The following MEF2C variants were observed in gnomAD, a reference collection of about 807,000 sequenced individuals.
The protein encoded by MEF2C is myocyte-specific enhancer factor 2C.
A neutral mutation model predicts 50.5 loss-of-function variants in MEF2C; 6 were observed. That is an observed-to-expected ratio of 0.12 (90% CI 0.07 to 0.23). MEF2C has a LOEUF of 0.23. Among genes scored for constraint, MEF2C ranks in the 10% least tolerant of loss-of-function variants. MEF2C has a pLI of 1.00. For missense variants in MEF2C, 276 were observed against 605.0 expected (o/e 0.46, Z 5.70); for synonymous variants, 183 against 228.0 (o/e 0.80, Z 1.78).
At chr5:88,743,076 A>C in intron 6 of MEF2C, 1 of 973,916 alleles carries the variant, frequency 1.0e-6, no homozygotes, top group Non-Finnish European at 1.2e-6. Context: ...TAATGGAACA[A>C]TACTTTCAAA....
intron 1 of MEF2C, among the ~76,000 whole-genome samples, chr5:88,893,893 A>C (rs1834850111): frequency 1.3e-5 from 2 of 152,340 alleles, no homozygotes; most frequent in Middle Eastern, 3.4e-3. Flanking sequence ...GATTGAGTCA[A>C]AGACTCAAAC....
At chr5:88,724,735 A>G (rs1467095240) in intron 10 of MEF2C, among the ~76,000 whole-genome samples, 2 of 152,104 alleles carry the variant, frequency 1.3e-5, no homozygotes, top group Non-Finnish European at 2.9e-5. Flanking sequence ...TCATAATGGT[A>G]GACTATTTTA....
At chr5:88,833,970 A>C (rs1814037014) in intron 1 of MEF2C, among the ~76,000 whole-genome samples, 1 of 152,124 alleles carries the variant, frequency 6.6e-6, no homozygotes, top group South Asian at 2.1e-4. Flanking sequence ...TTGTGAGCTA[A>C]ATGGCCTTCA....
At chr5:88,892,876 T>G (rs1834741748) in intron 1 of MEF2C, among the ~76,000 whole-genome samples, 1 of 152,158 alleles carries the variant, frequency 6.6e-6, no homozygotes, top group Admixed American at 6.5e-5. Flanking sequence ...TCATTCCAAG[T>G]GTCTGATGGC....
chr5:88,760,987 C>A, intron 4 of MEF2C, 198 bp downstream of exon 4: 1 of 1,605,890 alleles, frequency 6.2e-7, no homozygotes, highest in Non-Finnish European at 8.5e-7. Context: ...TTGGTACTTA[C>A]AGGAATTTTA....
At chr5:88,858,613 G>GCAGAC (rs1824360384) in intron 1 of MEF2C, among the ~76,000 whole-genome samples, 2 of 152,154 alleles carry the variant, frequency 1.3e-5, no homozygotes, top group African/African-American at 4.8e-5. Context: ...CTCATTGTGT[G>GCAGAC]CAGACCTTCT....
At chr5:88,864,013 G>A (rs890701240) in intron 1 of MEF2C, among the ~76,000 whole-genome samples, 1 of 151,870 alleles carries the variant, frequency 6.6e-6, no homozygotes, top group South Asian at 2.1e-4. Flanking sequence ...GTAGAGACGA[G>A]GTTTCACCAT....
intron 1 of MEF2C, among the ~76,000 whole-genome samples, chr5:88,872,420 T>G (rs1425927988): frequency 6.6e-6 from 1 of 152,032 alleles, no homozygotes; most frequent in Non-Finnish European, 1.5e-5. Flanking sequence ...GGTTTTGATT[T>G]TTTTGGAGAA....
At chr5:88,873,996 G>C (rs749743690) in intron 1 of MEF2C, among the ~76,000 whole-genome samples, 2 of 151,832 alleles carry the variant, frequency 1.3e-5, no homozygotes, top group Non-Finnish European at 2.9e-5. Flanking sequence ...AGGGTGAAAA[G>C]ATCTACTTTT....
chr5:88,890,924 TCC>T, intron 1 of MEF2C, among the ~76,000 whole-genome samples: 1 of 152,192 alleles, frequency 6.6e-6, no homozygotes, highest in African/African-American at 2.4e-5. Flanking sequence ...CCTAACAGGG[TCC>T]AGTATACTTT....
rs1756829018 is a variant in MEF2C, at chr5:88,722,888, G to T, written c.1138C>A (p.Leu380Ile). The change falls in exon 11 of 11, where the codon CTC becomes ATC. Residue 380 changes from leucine to isoleucine, a missense_variant. Physicochemically the swap from Leu to Ile is conservative, Grantham distance 5. This residue lies in a region of MEF2C where 256 missense variants were observed against 468.1 expected (regional missense o/e 0.55). Transcript: ENST00000504921. ...AGGCTTTGAGTAGAAGGCAGGGAGAGATTTGAACTCTGAGATAAATGAGTG... is the reference window on the plus strand; with the variant it reads ...AGGCTTTGAGTAGAAGGCAGGGAGATATTTGAACTCTGAGATAAATGAGTG... ...TSTHLSQSSN[L>I]SLPSTQSLNI... The T allele has an allele frequency of 6.2e-7, 1 of 1,612,282 alleles. No individual in the cohort carries two copies. Among genetic ancestry groups the T allele is most frequent in the Non-Finnish European group, 8.5e-7 (1 of 1,178,618 alleles).
intron 3 of MEF2C, among the ~76,000 whole-genome samples, chr5:88,765,547 T>C (rs1400216403): frequency 6.6e-6 from 1 of 152,232 alleles, no homozygotes; most frequent in Non-Finnish European, 1.5e-5. Flanking sequence ...GAATAGTCGA[T>C]ATGAACGAAA....
At chr5:88,735,085 C>T in intron 6 of MEF2C, 1 of 985,328 alleles carries the variant, frequency 1.0e-6, no homozygotes, top group Non-Finnish European at 1.2e-6. Context: ...GACTGTGGAT[C>T]CTAAACCAGT....
chr5:88,809,434 T>C (rs1345999399), intron 2 of MEF2C, among the ~76,000 whole-genome samples: 3 of 152,202 alleles, frequency 2.0e-5, no homozygotes, highest in Non-Finnish European at 4.4e-5. Flanking sequence ...ATGTCAGGCA[T>C]TTGTGCTAGG....
intron 6 of MEF2C, chr5:88,738,784 A>G: frequency 3.0e-6 from 3 of 985,396 alleles, no homozygotes; most frequent in Non-Finnish European, 3.6e-6. Context: ...CAACTTGGGC[A>G]TAGTAAATAG....
intron 3 of MEF2C, among the ~76,000 whole-genome samples, chr5:88,784,800 T>C (rs1790023385): frequency 6.6e-6 from 1 of 152,168 alleles, no homozygotes; most frequent in African/African-American, 2.4e-5. Context: ...ACTATCTAGG[T>C]TGAAAATGGT....
intron 3 of MEF2C, among the ~76,000 whole-genome samples, chr5:88,763,581 A>G (rs1162978695): frequency 6.6e-6 from 1 of 152,088 alleles, no homozygotes; most frequent in Non-Finnish European, 1.5e-5. Context: ...AGAGAAAAAT[A>G]TGTCAGATCA....
At chr5:88,869,290 TATATAC>T (rs1394811506) in intron 1 of MEF2C, among the ~76,000 whole-genome samples, 3,973 of 62,868 alleles carry the variant, frequency 0.063, 84 homozygotes, top group South Asian at 0.081. Context: ...TATATATATA[TATATAC>T]ACATATATAT....
chr5:88,858,439 C>T (rs544562184), intron 1 of MEF2C, among the ~76,000 whole-genome samples: 5 of 152,288 alleles, frequency 3.3e-5, no homozygotes, highest in East Asian at 1.9e-4. Flanking sequence ...AATCATGGGC[C>T]TTGGCTGCAT....
Sources: gnomAD v4.1 joint callset for allele counts (sites outside exome capture counted in the v4.1 genomes callset) on GRCh38, gnomAD v4.1.1 for gene constraint, gnomAD v4.1.1 regional missense constraint, MANE v1.5 for transcripts, NCBI Gene and HGNC (gene_info 2026-07-23, HGNC 2026-07-21) for gene names.